Variants in OSTF1 observed in about 807,000 individuals in gnomAD.
OSTF1 encodes osteoclast stimulating factor 1.
In OSTF1, 27 loss-of-function variants were observed where a neutral mutation model predicts 37.2. The ratio of observed to expected loss-of-function variants is 0.73; its 90% CI spans 0.54 to 1.00. The LOEUF is 1.00. Among genes scored for constraint, OSTF1 ranks in the 50% least tolerant of loss-of-function variants. The pLI is 0.00. For missense variants in OSTF1, 232 were observed against 253.8 expected, an observed-to-expected ratio of 0.91 and a Z score of 0.58; for synonymous variants, 82 against 89.2, an observed-to-expected ratio of 0.92 and a Z score of 0.46.
At position 75,127,828 on chromosome 9, in the gene OSTF1, C is replaced by T. The variant is rs568277146; in HGVS notation, c.132+209C>T. 6.6e-5 allele frequency among the ~76,000 whole-genome samples: 10 copies of T among 151,188 alleles called. No individual in the cohort carries two copies. The South Asian group carries it at 2.1e-3, about 32-fold the overall frequency. On this transcript the variant is annotated intron_variant, in intron 3 of 9. Transcript: ENST00000346234. ...GAATAAGCTTTGGTCTAGCCACAAA[C>T]AGAATATTATGCAGCTGTAGAAAGA...
chr9:75,141,211 G>C (rs1049927177), intron 9 of OSTF1, among the ~76,000 whole-genome samples: 4 of 150,588 alleles, frequency 2.7e-5, no homozygotes, highest in Non-Finnish European at 4.4e-5. Context: ...TGAGCTGGGG[G>C]ATCACTTGAG....
chr9:75,132,826 A>AG (rs1199568235), intron 5 of OSTF1, among the ~76,000 whole-genome samples: 2 of 152,206 alleles, frequency 1.3e-5, no homozygotes, highest in Non-Finnish European at 2.9e-5. Flanking sequence ...AGCTTTGAGT[A>AG]GGTTATTTAG....
In OSTF1 at chr9:75,131,766, C is replaced by G. The variant is rs767869250; in HGVS notation, c.197-4C>G. The G allele has an allele frequency of 8.1e-6, 13 of 1,612,198 alleles. No individual in the cohort carries two copies. The South Asian group carries it at 1.4e-4, about 18-fold the overall frequency. On this transcript the variant is annotated splice_region_variant and splice_polypyrimidine_tract_variant and intron_variant, in intron 4 of 9. Transcript: ENST00000346234. ...TGGGTTAACACTTTTTATTTTCAAT[C>G]TAGTGGCTGAGCAGGCAGAATCCAT...
At chr9:75,130,280 T>C (rs1356781160) in intron 3 of OSTF1, among the ~76,000 whole-genome samples, 1 of 152,216 alleles carries the variant, frequency 6.6e-6, no homozygotes, top group East Asian at 1.9e-4. Context: ...AAAAATCATA[T>C]AGCTAGTCTA....
rs1271723101 is a variant in OSTF1 at position 75,137,554 on chromosome 9, C to CAGCTTT, written c.426_431dup (p.Ala143_Leu144dup). The CAGCTTT allele has an allele frequency of 6.2e-7, 1 of 1,610,558 alleles. No individual in the cohort carries two copies. Among genetic ancestry groups the CAGCTTT allele is most frequent in the Non-Finnish European group, 8.5e-7 (1 of 1,176,910 alleles). On this transcript the variant is annotated inframe_insertion, in exon 8 of 10. Coordinates refer to ENST00000346234, the MANE Select transcript of OSTF1 (RefSeq NM_012383.5). ...TCACTATAGAACAAGTTGGGAGATA[C>CAGCTTT]AGCTTTGCATGCTGCTGCCTGGAAG...
At chr9:75,097,852 GTT>G (rs369920296) in intron 1 of OSTF1, among the ~76,000 whole-genome samples, 8 of 135,094 alleles carry the variant, frequency 5.9e-5, no homozygotes, top group Non-Finnish European at 8.0e-5. Flanking sequence ...TTATGCCTCA[GTT>G]TTTTTTTTTT....
intron 6 of OSTF1, among the ~76,000 whole-genome samples, chr9:75,133,932 C>T (rs879651464): frequency 6.6e-6 from 1 of 152,068 alleles, no homozygotes; most frequent in Non-Finnish European, 1.5e-5. Flanking sequence ...GCTTTTCTAC[C>T]TCTCTCTATA....
At chr9:75,111,793 C>T in intron 1 of OSTF1, among the ~76,000 whole-genome samples, 2 of 113,734 alleles carry the variant, frequency 1.8e-5, no homozygotes, top group Admixed American at 1.0e-4. Flanking sequence ...TCTTGGTGAT[C>T]TATTAAGATG....
rs187029920 is a variant in OSTF1 at position 75,099,434 on chromosome 9, G to A, written c.34+10708G>A. On this transcript the variant is annotated intron_variant, in intron 1 of 9. Transcript: ENST00000346234. The stretch of plus-strand genomic sequence containing the variant: ...GCCCAACTATTTAAACATTTTTTTT[G>A]TACAGATGGGGTCCCACAGTGTTGC... 3.1e-3 allele frequency among the ~76,000 whole-genome samples: 470 copies of A among 151,768 alleles called. 2 individuals carry two copies. The highest frequency in any genetic ancestry group is 0.011 in the African/African-American group (459 of 41,416).
Position 75,088,626 on chromosome 9 carries a change from G to A in OSTF1, c.-67G>A. On this transcript the variant is annotated 5_prime_UTR_variant, in exon 1 of 10. Transcript: ENST00000346234. ...CAAAAAGAACTGGGGTGCCCGGAGT[G>A]CCAGGTGGCGGGCAAGCGGTGGGCT... 1 of 1,524,034 alleles carries A rather than the reference G, an allele frequency of 6.6e-7. No individual in the cohort carries two copies. Among genetic ancestry groups the A allele is most frequent in the Non-Finnish European group, 9.0e-7 (1 of 1,113,246 alleles). 94.4% of individuals were successfully genotyped at this position (1,524,034 alleles called of 1,614,324 possible).
chr9:75,143,824 A>G (rs1587482651), intron 9 of OSTF1, among the ~76,000 whole-genome samples: 1 of 152,206 alleles, frequency 6.6e-6, no homozygotes, highest in African/African-American at 2.4e-5. Flanking sequence ...ATACAGGCTC[A>G]TCACACAACA....
intron 1 of OSTF1, among the ~76,000 whole-genome samples, chr9:75,108,830 G>T (rs1825335555): frequency 1.3e-5 from 2 of 152,110 alleles, no homozygotes; most frequent in South Asian, 4.2e-4. Flanking sequence ...AGAACATCTT[G>T]CTTTTTCTAC....
chr9:75,114,617 A>G (rs984813397), intron 1 of OSTF1, among the ~76,000 whole-genome samples: 1 of 151,124 alleles, frequency 6.6e-6, no homozygotes, highest in Middle Eastern at 3.4e-3. Flanking sequence ...CAGTGGTGCA[A>G]TCTCAGCTCA....
chr9:75,131,654 CTG>C, intron 4 of OSTF1, 114 bp from the exon 5 acceptor site: 1 of 728,136 alleles, frequency 1.4e-6, no homozygotes, highest in Non-Finnish European at 2.5e-6. Flanking sequence ...GTAAAGGAAA[CTG>C]TGTTGAATGC....
intron 1 of OSTF1, among the ~76,000 whole-genome samples, chr9:75,101,551 A>C (rs759800143): frequency 6.6e-6 from 1 of 152,226 alleles, no homozygotes; most frequent in African/African-American, 2.4e-5. Context: ...TACGTGCTAC[A>C]TAAGAACATT....
chr9:75,096,787 C>T (rs575023877), intron 1 of OSTF1, among the ~76,000 whole-genome samples: 3 of 152,268 alleles, frequency 2.0e-5, no homozygotes, highest in Non-Finnish European at 2.9e-5. Flanking sequence ...GTGGGTTAGA[C>T]GGGGTTGGCT....
At position 75,145,389 on chromosome 9, in the gene OSTF1, A is replaced by T. The variant is rs150853492; in HGVS notation, c.587-1294A>T. ...TTGGTAGTAGAAGGAATAATAAATC[A>T]TATAGAATATTGTGTTCTTTTATCA... On this transcript the variant is annotated intron_variant, in intron 9 of 9. Coordinates refer to ENST00000346234, the MANE Select transcript of OSTF1 (RefSeq NM_012383.5). Among the ~76,000 whole-genome samples, 439 of 152,276 alleles carry T rather than the reference A, an allele frequency of 2.9e-3. 3 individuals carry two copies. The highest frequency in any genetic ancestry group is 0.01 in the African/African-American group (419 of 41,534).
intron 1 of OSTF1, among the ~76,000 whole-genome samples, chr9:75,101,731 T>C (rs755726479): frequency 6.6e-6 from 1 of 152,224 alleles, no homozygotes; most frequent in African/African-American, 2.4e-5. Flanking sequence ...TACCCTCAGC[T>C]ACCAACTTGG....
At chr9:75,110,657 T>C (rs1174532062) in intron 1 of OSTF1, among the ~76,000 whole-genome samples, 2 of 152,160 alleles carry the variant, frequency 1.3e-5, no homozygotes, top group Non-Finnish European at 2.9e-5. Flanking sequence ...AAATAGTCAT[T>C]CCTCTTGCTG....
Sources: allele counts gnomAD v4.1 joint callset (sites outside exome capture counted in the v4.1 genomes callset), GRCh38; gene constraint gnomAD v4.1.1; transcripts MANE v1.5; gene names NCBI Gene and HGNC (gene_info 2026-07-23, HGNC 2026-07-21).